Variants in TIAM2 observed in about 807,000 individuals in gnomAD.
TIAM2 encodes TIAM Rac1 associated GEF 2.
Under a neutral mutation model 152.9 loss-of-function variants are expected in TIAM2, and 80 were observed. The observed-to-expected ratio is 0.52, with a 90% CI of 0.44 to 0.63. TIAM2 has a LOEUF of 0.63. TIAM2 is among the 30% of genes least tolerant of loss of function. The probability of loss-of-function intolerance (pLI) is 0.00; values close to 1 mark genes in which losing one functional copy is unlikely to be tolerated. For missense variants in TIAM2, 1,965 were observed against 2,120.1 expected, an observed-to-expected ratio of 0.93 and a Z score of 1.44; for synonymous variants, 804 against 838.0, an observed-to-expected ratio of 0.96 and a Z score of 0.70.
chr6:155,094,339 G>A (rs1778365161), intron 2 of TIAM2, among the ~76,000 whole-genome samples: 1 of 151,946 alleles, frequency 6.6e-6, no homozygotes, highest in Admixed American at 6.6e-5. Flanking sequence ...AGTAGAATTA[G>A]GAGAAAACTG....
At chr6:155,131,728 C>T (rs934541588) in intron 4 of TIAM2, among the ~76,000 whole-genome samples, 1 of 151,974 alleles carries the variant, frequency 6.6e-6, no homozygotes, top group Admixed American at 6.6e-5. Context: ...TACAGGCGTG[C>T]ACCACCATGC....
chr6:155,065,897 C>T (rs1033863726), intron 1 of TIAM2, among the ~76,000 whole-genome samples: 6 of 152,136 alleles, frequency 3.9e-5, no homozygotes, highest in African/African-American at 9.7e-5. Flanking sequence ...GCTGGGAAGC[C>T]GGTTGTGCTG....
intron 1 of TIAM2, among the ~76,000 whole-genome samples, chr6:155,041,916 G>A (rs36065039): frequency 0.2 from 29,887 of 152,196 alleles, 3,038 homozygotes; most frequent in Middle Eastern, 0.29. Flanking sequence ...TTTACAAATA[G>A]CCTTAGTTGA....
chr6:155,235,333 C>T (rs1224588319), intron 15 of TIAM2, among the ~76,000 whole-genome samples: 2 of 152,216 alleles, frequency 1.3e-5, no homozygotes, highest in African/African-American at 2.4e-5. Flanking sequence ...GACTTAGAAT[C>T]GAGACTTGCC....
intron 9 of TIAM2, among the ~76,000 whole-genome samples, chr6:155,175,602 C>T (rs1295035444): frequency 1.3e-5 from 2 of 152,252 alleles, no homozygotes; most frequent in African/African-American, 4.8e-5. Flanking sequence ...CTGAATCGTA[C>T]GTAGCAAGGT....
At chr6:155,229,863 C>T (rs1366718392) in intron 15 of TIAM2, among the ~76,000 whole-genome samples, 1 of 152,098 alleles carries the variant, frequency 6.6e-6, no homozygotes, top group Non-Finnish European at 1.5e-5. Flanking sequence ...TGGCGGCAGG[C>T]AAGAGAGCGT....
chr6:155,002,310 C>T (rs1175530680), intron 1 of TIAM2, among the ~76,000 whole-genome samples: 1 of 152,118 alleles, frequency 6.6e-6, no homozygotes, highest in Admixed American at 6.6e-5. Context: ...ACTAAGGAGG[C>T]TGAGATGGGA....
At chr6:155,053,124 T>C (rs6928685) in intron 1 of TIAM2, among the ~76,000 whole-genome samples, 3,800 of 152,252 alleles carry the variant, frequency 0.025, 163 homozygotes, top group African/African-American at 0.088. Context: ...ACTTTGAGCA[T>C]CCAAAGTACT....
intron 7 of TIAM2, among the ~76,000 whole-genome samples, chr6:155,157,468 A>G (rs1780152076): frequency 6.6e-6 from 1 of 151,162 alleles, no homozygotes; most frequent in Non-Finnish European, 1.5e-5. Flanking sequence ...TTTTTTTAGA[A>G]TTAAAAATTT....
At chr6:155,017,311 G>A (rs921184200) in intron 1 of TIAM2, among the ~76,000 whole-genome samples, 2 of 151,970 alleles carry the variant, frequency 1.3e-5, no homozygotes, top group African/African-American at 4.8e-5. Context: ...GGGATAAATG[G>A]GTTGCAGCTG....
At chr6:155,151,302 T>C (rs1489590033) in intron 7 of TIAM2, among the ~76,000 whole-genome samples, 4 of 152,244 alleles carry the variant, frequency 2.6e-5, no homozygotes, top group Non-Finnish European at 5.9e-5. Context: ...CGCCCTAGCA[T>C]GTGATGTCGT....
chr6:155,179,463 G>A lies in TIAM2; in HGVS notation c.2707+7G>A, dbSNP rs774315720. ...GGGAGTGTGTGTGACTTTGGTGAGTGTAAGGAATGCCCCTTTCAGGGAATT... is the reference window on the plus strand; with the variant it reads ...GGGAGTGTGTGTGACTTTGGTGAGTATAAGGAATGCCCCTTTCAGGGAATT... On this transcript the variant is annotated splice_region_variant and intron_variant, in intron 12 of 26. Transcript: ENST00000682666. 9 of 1,601,294 alleles carry A rather than the reference G, an allele frequency of 5.6e-6. No homozygotes were observed. Among genetic ancestry groups the A allele is most frequent in the Admixed American group, 3.5e-5 (2 of 56,968 alleles).
At chr6:155,244,120 TTA>T (rs1783193971) in intron 17 of TIAM2, 41 bp downstream of exon 17, 1 of 1,571,076 alleles carries the variant, frequency 6.4e-7, no homozygotes, top group African/African-American at 1.4e-5. Context: ...GATCCACAGG[TTA>T]GTCTCTGTTT....
intron 16 of TIAM2, among the ~76,000 whole-genome samples, chr6:155,241,681 T>C (rs1300836577): frequency 6.6e-6 from 1 of 152,224 alleles, no homozygotes; most frequent in Admixed American, 6.5e-5. Flanking sequence ...CCAAAGCCCC[T>C]TCTTTTGGCC....
In TIAM2 at chr6:155,029,530, G is replaced by T. The variant is rs1169003832; in HGVS notation, c.-209+34038G>T. On this transcript the variant is annotated intron_variant, in intron 1 of 26. Coordinates refer to ENST00000682666, the MANE Select transcript of TIAM2 (RefSeq NM_012454.4). ...AATATATACTATATATTATAGTATA[G>T]ATAATAATATATATTATGTAGTATA... Among the ~76,000 whole-genome samples, 125 of 22,428 alleles carry T rather than the reference G, an allele frequency of 5.6e-3. 5 individuals are homozygous for T. Among genetic ancestry groups the T allele is most frequent in the Admixed American group, 0.014 (17 of 1,230 alleles). 14.7% of individuals were successfully genotyped at this position (22,428 alleles called of 152,430 possible). A position where few individuals can be genotyped will look rare whatever the true frequency, so the allele number is the denominator to read the frequency against.
chr6:155,095,769 T>G (rs1307393491), intron 2 of TIAM2, among the ~76,000 whole-genome samples: 2 of 152,178 alleles, frequency 1.3e-5, no homozygotes, highest in Non-Finnish European at 2.9e-5. Context: ...TTTACTTCAG[T>G]CCATAAAGAG....
chr6:155,222,735 C>T (rs1583260215), intron 15 of TIAM2, among the ~76,000 whole-genome samples: 1 of 152,078 alleles, frequency 6.6e-6, no homozygotes, highest in African/African-American at 2.4e-5. Flanking sequence ...CTCAAGGGTC[C>T]GTCTGACCAG....
At chr6:155,237,635 A>G (rs1782835604) in intron 15 of TIAM2, among the ~76,000 whole-genome samples, 1 of 152,226 alleles carries the variant, frequency 6.6e-6, no homozygotes, top group African/African-American at 2.4e-5. Flanking sequence ...TGAAACCCCA[A>G]TTCTTGGACT....
chr6:155,016,793 G>A (rs1778597092), intron 1 of TIAM2, among the ~76,000 whole-genome samples: 1 of 152,044 alleles, frequency 6.6e-6, no homozygotes, highest in Admixed American at 6.5e-5. Context: ...CCAGCTACTC[G>A]GGAAGCTGAG....
Sources: allele counts gnomAD v4.1 joint callset (sites outside exome capture counted in the v4.1 genomes callset), GRCh38; gene constraint gnomAD v4.1.1; transcripts MANE v1.5; gene names NCBI Gene and HGNC (gene_info 2026-07-23, HGNC 2026-07-21).